The following ASPG variants were observed in gnomAD, a reference collection of about 807,000 sequenced individuals.
ASPG encodes 60 kDa lysophospholipase.
A neutral mutation model predicts 63.2 loss-of-function variants in ASPG; 53 were observed. That is an observed-to-expected ratio of 0.84 (90% CI 0.67 to 1.05). The LOEUF is 1.05. Among genes scored for constraint, ASPG ranks in the 50% least tolerant of loss-of-function variants. The probability of loss-of-function intolerance (pLI) is 0.00; values close to 1 mark genes in which losing one functional copy is unlikely to be tolerated. For synonymous variants in ASPG, 370 were observed against 355.0 expected (o/e 1.04, Z -0.48); for missense variants, 741 against 794.4 (o/e 0.93, Z 0.81).
Position 104,109,010 on chromosome 14 carries a change from G to T in ASPG, c.1434-219G>T, listed in dbSNP as rs1449933840. On this transcript the variant is annotated intron_variant, in intron 12 of 15. Coordinates refer to ENST00000551177, the MANE Select transcript of ASPG (RefSeq NM_001080464.3). The surrounding 1 kb of genome is among the most constrained non-coding windows in gnomAD (Gnocchi z 4.8). The stretch of plus-strand genomic sequence containing the variant: ...CAGACCTCAGCTGCCCTAAGAAGGA[G>T]TACTGGACAAATGGAGGTGGTGGGA... The T allele has an allele frequency of 2.0e-6, 2 of 985,318 alleles. No homozygotes were observed. Among genetic ancestry groups the T allele is most frequent in the African/African-American group, 3.5e-5 (2 of 57,236 alleles). 61.0% of individuals were successfully genotyped at this position (985,318 alleles called of 1,614,324 possible).
At chr14:104,105,573 C>T (rs989546977) in intron 10 of ASPG, 123 bp downstream of exon 10, 6 of 1,330,408 alleles carry the variant, frequency 4.5e-6, no homozygotes, top group East Asian at 5.2e-5. Flanking sequence ...CAGTTAGGCA[C>T]ACCCGGGTTC....
At position 104,098,103 on chromosome 14, in the gene ASPG, G is replaced by A. The variant is rs5000041; in HGVS notation, c.513+466G>A. ...TTAGAGATGCGTATGGAGGTTCTGC[G>A]TTAGAGATGCGTATGGAGGTTCTCC... On this transcript the variant is annotated intron_variant, in intron 5 of 15. Coordinates refer to ENST00000551177, the MANE Select transcript of ASPG (RefSeq NM_001080464.3). 5.5e-4 allele frequency among the ~76,000 whole-genome samples: 17 copies of A among 31,158 alleles called. 4 individuals carry two copies. The highest frequency in any genetic ancestry group is 7.8e-4 in the Non-Finnish European group (15 of 19,174). 20.4% of individuals were successfully genotyped at this position (31,158 alleles called of 152,430 possible).
chr14:104,111,295 A>G, intron 13 of ASPG: 1 of 779,164 alleles, frequency 1.3e-6, no homozygotes, highest in Non-Finnish European at 1.6e-6. Flanking sequence ...ACCCGACTTG[A>G]GTCGCAGTCC....
At chr14:104,096,667 G>A (rs1038645580) in intron 4 of ASPG, among the ~76,000 whole-genome samples, 4 of 152,196 alleles carry the variant, frequency 2.6e-5, no homozygotes, top group East Asian at 1.9e-4. Context: ...CAGGACCCAC[G>A]AACGTTCACA....
chr14:104,097,984 G>A (rs1449155265), intron 5 of ASPG, among the ~76,000 whole-genome samples: 75 of 89,000 alleles, frequency 8.4e-4, no homozygotes, highest in Middle Eastern at 6.3e-3. Context: ...TTAGAGATGC[G>A]TATGGAGGTT....
In ASPG at chr14:104,105,441, C is replaced by A; in HGVS notation, c.1164C>A (p.Ser388Arg). The A allele has an allele frequency of 6.3e-7, 1 of 1,596,428 alleles. No homozygotes were observed. Among genetic ancestry groups the A allele is most frequent in the Non-Finnish European group, 8.5e-7 (1 of 1,172,224 alleles). ...GGGVSWLLSL[S>R]GSQEADALRN... ...GGGTCTCCTGGCTCCTCAGTCTGAG[C>A]GGCAGCCAGGTAATGGCGTGGGACA... is the stretch of plus-strand genomic sequence containing the variant. Residue 388 changes from serine (S) to arginine (R), a missense_variant, in exon 10 of 16, where the codon AGC (serine) becomes AGA (arginine). Coordinates refer to ENST00000551177, the MANE Select transcript of ASPG (RefSeq NM_001080464.3).
At chr14:104,093,010 C>T (rs967990185) in intron 2 of ASPG, 33 of 534,244 alleles carry the variant, frequency 6.2e-5, no homozygotes, top group African/African-American at 5.3e-4. Flanking sequence ...GTGATGAGGG[C>T]GCCCCGTCTA....
intron 1 of ASPG, among the ~76,000 whole-genome samples, chr14:104,087,071 C>A (rs1332270363): frequency 1.3e-5 from 2 of 152,038 alleles, no homozygotes; most frequent in African/African-American, 4.8e-5. Context: ...TCGGTGCTCT[C>A]AGATTCCACC....
rs766626344 is a variant in ASPG at position 104,105,411 on chromosome 14, C to T, written c.1134C>T (p.Gly378=). 2.5e-5 allele frequency: 41 copies of T among 1,610,476 alleles called. No homozygotes were observed. Among genetic ancestry groups the T allele is most frequent in the African/African-American group, 4.0e-5 (3 of 74,860 alleles). Residue 378 remains glycine (G), a synonymous_variant, in exon 10 of 16, where the codon GGC becomes GGT. Transcript: ENST00000551177. ...RRPSLQGNTL[G]GGVSWLLSLS... ...CCTCACTGCAGGGCAACACGCTGGGCGGTGGGGTCTCCTGGCTCCTCAGTC... is the reference window on the plus strand; with the variant it reads ...CCTCACTGCAGGGCAACACGCTGGGTGGTGGGGTCTCCTGGCTCCTCAGTC...
At chr14:104,104,986 C>G (rs207475211) in intron 9 of ASPG, 1 of 578,052 alleles carries the variant, frequency 1.7e-6, no homozygotes, top group Non-Finnish European at 3.0e-6. Flanking sequence ...GCATGGAGAC[C>G]TGAGGCTCCC....
chr14:104,089,402 C>T (rs1318964095), intron 1 of ASPG, among the ~76,000 whole-genome samples: 1 of 151,922 alleles, frequency 6.6e-6, no homozygotes, highest in Non-Finnish European at 1.5e-5. Flanking sequence ...GCCTGTGGTC[C>T]CAGCTACTGG....
intron 1 of ASPG, among the ~76,000 whole-genome samples, chr14:104,088,064 A>T (rs144144904): frequency 2.6e-5 from 4 of 152,294 alleles, no homozygotes; most frequent in Non-Finnish European, 5.9e-5. Flanking sequence ...TGGGGCATCC[A>T]CTTCCAGGAA....
Position 104,111,580 on chromosome 14 carries a change from C to T in ASPG, c.1599C>T (p.Asp533=), listed in dbSNP as rs185153554. 3.4e-5 allele frequency: 53 copies of T among 1,550,846 alleles called. No homozygotes were observed. In the African/African-American group the frequency reaches 4.6e-4, roughly 14 times the overall value. The change falls in exon 14 of 16, where the codon GAC becomes GAT. Residue 533 remains aspartate (D), a synonymous_variant. Transcript: ENST00000551177. ...AGADLGQPGY[D]GHSALHVAEA... is the part of the protein sequence containing the mutation. ...CTGACCTGGGGCAGCCGGGCTATGA[C>T]GGGCACAGCGCCCTGCACGTCGTGA...
At chr14:104,102,899 A>G (rs543317463) in intron 6 of ASPG, among the ~76,000 whole-genome samples, 15 of 152,222 alleles carry the variant, frequency 9.9e-5, no homozygotes, top group African/African-American at 3.6e-4. Flanking sequence ...CACCTCCACC[A>G]TCACCCACCC....
Position 104,110,393 on chromosome 14 carries a change from T to G in ASPG, c.1520+1078T>G, listed in dbSNP as rs2037335195. Reference sequence around the variant, plus strand: ...GACTTCCGGGGTGACTTGGTCAAGATTTGCACTCCAGACAGGCCTTGCTGG... The same window carrying G: ...GACTTCCGGGGTGACTTGGTCAAGAGTTGCACTCCAGACAGGCCTTGCTGG... On this transcript the variant is annotated intron_variant, in intron 13 of 15. Coordinates refer to ENST00000551177, the MANE Select transcript of ASPG (RefSeq NM_001080464.3). The surrounding 1 kb of genome is among the most constrained non-coding windows in gnomAD (Gnocchi z 4.7). 2 of 985,238 alleles carry G rather than the reference T, an allele frequency of 2.0e-6. No individual in the cohort carries two copies. Among genetic ancestry groups the G allele is most frequent in the South Asian group, 9.4e-5 (2 of 21,272 alleles). 61.0% of individuals were successfully genotyped at this position (985,238 alleles called of 1,614,324 possible).
Position 104,085,816 on chromosome 14 carries a change from AC to A in ASPG, c.48del (p.Gly17AlafsTer23). The A allele has an allele frequency of 6.3e-7, 1 of 1,591,122 alleles. No homozygotes were observed. The highest frequency in any genetic ancestry group is 8.5e-7 in the Non-Finnish European group (1 of 1,174,558). ...GPERRLLAVY[T>X]GGTIGMRSEL... is the part of the protein sequence containing the mutation. ...CGAGCGGAGGCTGCTGGCCGTCTAC[AC>A]CGGCGGCACCATTGGCATGCGGAGT... On this transcript the variant is annotated frameshift_variant, in exon 1 of 16. Coordinates refer to ENST00000551177, the MANE Select transcript of ASPG (RefSeq NM_001080464.3). LOFTEE classifies it high-confidence loss of function.
In ASPG at chr14:104,093,494, G is replaced by A. The variant is rs550683264; in HGVS notation, c.195G>A (p.Pro65=). 3 of 1,612,272 alleles carry A rather than the reference G, an allele frequency of 1.9e-6. No homozygotes were observed. The highest frequency in any genetic ancestry group is 1.1e-5 in the South Asian group (1 of 91,060). Reference sequence around the variant, plus strand: ...TCCTGCTGTTTCTGTCCCGCAGCCCGGCCAGCCGCAACCAGAGGATTCTCT... The same window carrying A: ...TCCTGCTGTTTCTGTCCCGCAGCCCAGCCAGCCGCAACCAGAGGATTCTCT... The part of the protein sequence containing the change: ...GLSEDTLVLP[P]ASRNQRILYT... Residue 65 remains proline, a synonymous_variant, in exon 3 of 16, where the codon CCG becomes CCA. Coordinates refer to ENST00000551177, the MANE Select transcript of ASPG (RefSeq NM_001080464.3).
At position 104,111,591 on chromosome 14, in the gene ASPG, C is replaced by G; in HGVS notation, c.1610C>G (p.Ala537Gly). 1 of 1,550,370 alleles carries G rather than the reference C, an allele frequency of 6.5e-7. No individual in the cohort carries two copies. The highest frequency in any genetic ancestry group is 8.7e-7 in the Non-Finnish European group (1 of 1,146,884). ...CAGCCGGGCTATGACGGGCACAGCG[C>G]CCTGCACGTCGTGAGTGCCCCCACC... The part of the protein sequence containing the change: ...LGQPGYDGHS[A>G]LHVAEAAGNL... Residue 537 changes from alanine to glycine, a missense_variant, in exon 14 of 16, where the codon GCC becomes GGC. Transcript: ENST00000551177.
At chr14:104,111,222 CATGTATGCTGCT>C (rs1209988043) in intron 13 of ASPG, 1 of 967,046 alleles carries the variant, frequency 1.0e-6, no homozygotes, top group Non-Finnish European at 1.2e-6. Context: ...TGTGTGTGTA[CATGTATGCTGCT>C]GTGTATGCTG....
Sources: gnomAD v4.1 joint callset for allele counts (sites outside exome capture counted in the v4.1 genomes callset) on GRCh38, gnomAD v4.1.1 for gene constraint, Gnocchi (gnomAD v3.1) non-coding constraint, MANE v1.5 for transcripts, NCBI Gene and HGNC (gene_info 2026-07-23, HGNC 2026-07-21) for gene names.